The following FARP2 variants were observed in gnomAD, a reference collection of about 807,000 sequenced individuals.
FARP2 encodes the protein FERM, ARHGEF and pleckstrin domain-containing protein 2.
A neutral mutation model predicts 130.5 loss-of-function variants in FARP2; 111 were observed. The ratio of observed to expected loss-of-function variants is 0.85; its 90% CI spans 0.73 to 1.00. The LOEUF (loss-of-function observed/expected upper bound fraction) is 1.00. Ranked by LOEUF, FARP2 falls within the 50% of genes least tolerant of loss-of-function variation. The pLI, the probability that FARP2 is intolerant of heterozygous loss-of-function variation, is 0.00. For synonymous variants in FARP2, 504 were observed against 516.9 expected (o/e 0.98, Z 0.34); for missense variants, 1,385 against 1,346.3 (o/e 1.03, Z -0.45).
chr2:241,385,790 C>T (rs1042603290), intron 2 of FARP2, among the ~76,000 whole-genome samples: 21 of 152,162 alleles, frequency 1.4e-4, no homozygotes, highest in African/African-American at 4.8e-4. Context: ...TCAACATTTA[C>T]GTCATATCAT....
intron 19 of FARP2, among the ~76,000 whole-genome samples, chr2:241,477,267 C>T (rs1358346416): frequency 6.6e-6 from 1 of 151,892 alleles, no homozygotes; most frequent in Non-Finnish European, 1.5e-5. Flanking sequence ...GTAGCTGGGA[C>T]TACAGGCACA....
chr2:241,448,332 T>C (rs1343401159), intron 13 of FARP2, among the ~76,000 whole-genome samples: 1 of 152,236 alleles, frequency 6.6e-6, no homozygotes, highest in African/African-American at 2.4e-5. Flanking sequence ...TCAAAAGCAT[T>C]TCTGTATGAG....
chr2:241,408,400 A>G (rs1405979918), intron 5 of FARP2, among the ~76,000 whole-genome samples: 1 of 151,642 alleles, frequency 6.6e-6, no homozygotes, highest in Non-Finnish European at 1.5e-5. Context: ...AAAATTATCC[A>G]GGCGTGGTGG....
intron 2 of FARP2, among the ~76,000 whole-genome samples, chr2:241,375,578 G>A (rs919379614): frequency 2.6e-5 from 4 of 152,054 alleles, no homozygotes; most frequent in Non-Finnish European, 5.9e-5. Flanking sequence ...ATGCCATTTT[G>A]TGAAGGTTTT....
chr2:241,422,288 C>T (rs914223790), intron 8 of FARP2, among the ~76,000 whole-genome samples: 8 of 148,704 alleles, frequency 5.4e-5, no homozygotes, highest in Admixed American at 1.3e-4. Flanking sequence ...AAATTAACCA[C>T]GCACAGCGGT....
chr2:241,409,037 A>ATGAT (rs1163595250), intron 5 of FARP2, among the ~76,000 whole-genome samples: 4 of 108,934 alleles, frequency 3.7e-5, no homozygotes, highest in Admixed American at 9.7e-5. Flanking sequence ...AGATAGATAG[A>ATGAT]TGATAGATAG....
chr2:241,395,061 CCCATT>C (rs1417029007), intron 2 of FARP2, among the ~76,000 whole-genome samples: 7 of 152,330 alleles, frequency 4.6e-5, no homozygotes, highest in African/African-American at 1.7e-4. Context: ...TCCCATAAAA[CCCATT>C]CAGGGTAAGA....
At position 241,437,871 on chromosome 2, in the gene FARP2, C is replaced by T. The variant is rs1341013762; in HGVS notation, c.1158+1333C>T. On this transcript the variant is annotated intron_variant, in intron 12 of 26. Transcript: ENST00000264042. ...TAGTAGAGACGGGGTTTCACTGTGTCAGCCAGGATGGTCTTGATCTCCTGA... is the reference window on the plus strand; with the variant it reads ...TAGTAGAGACGGGGTTTCACTGTGTTAGCCAGGATGGTCTTGATCTCCTGA... 3.9e-5 allele frequency among the ~76,000 whole-genome samples: 6 copies of T among 151,936 alleles called. No homozygotes were observed. In the East Asian group the frequency reaches 1.2e-3, roughly 29 times the overall value.
chr2:241,453,428 C>G (rs541475843), intron 13 of FARP2, among the ~76,000 whole-genome samples: 1 of 151,928 alleles, frequency 6.6e-6, no homozygotes, highest in Admixed American at 6.6e-5. Flanking sequence ...CGAGACCATC[C>G]TGGCTAACAT....
At chr2:241,476,725 A>G (rs531983131) in intron 19 of FARP2, among the ~76,000 whole-genome samples, 27 of 152,294 alleles carry the variant, frequency 1.8e-4, no homozygotes, top group Middle Eastern at 6.8e-3. Flanking sequence ...AAATAGGTAC[A>G]TATATACATA....
chr2:241,435,200 C>T (rs1212316758), intron 11 of FARP2, among the ~76,000 whole-genome samples, 170 bp downstream of exon 11: 1 of 151,960 alleles, frequency 6.6e-6, no homozygotes, highest in Non-Finnish European at 1.5e-5. Context: ...CTCAAGCAAT[C>T]CTCCCACCTC....
chr2:241,466,089 C>T, intron 17 of FARP2: 2 of 1,103,916 alleles, frequency 1.8e-6, no homozygotes, highest in Non-Finnish European at 2.2e-6. Context: ...ATATTAAAAC[C>T]CTTTAGCTCT....
intron 2 of FARP2, among the ~76,000 whole-genome samples, chr2:241,373,956 A>AC (rs1324385359): frequency 6.6e-6 from 1 of 152,016 alleles, no homozygotes; most frequent in Non-Finnish European, 1.5e-5. Context: ...GTATTAGAAA[A>AC]CATTTTTTTG....
chr2:241,456,964 G>A, intron 14 of FARP2, 42 bp downstream of exon 14: 2 of 1,516,026 alleles, frequency 1.3e-6, no homozygotes, highest in Non-Finnish European at 1.8e-6. Flanking sequence ...GGGTTGCAGG[G>A]TGGGCCTGTT....
chr2:241,418,949 C>T (rs889760533), intron 8 of FARP2, among the ~76,000 whole-genome samples: 11 of 152,128 alleles, frequency 7.2e-5, no homozygotes, highest in South Asian at 2.1e-4. Flanking sequence ...TGATAGACTA[C>T]GGTAATCCTG....
intron 2 of FARP2, among the ~76,000 whole-genome samples, chr2:241,400,478 A>G (rs988278156): frequency 3.3e-5 from 5 of 152,238 alleles, no homozygotes; most frequent in Admixed American, 6.5e-5. Context: ...CAGCAATGCC[A>G]AAGGGCAGTT....
At chr2:241,445,462 G>A (rs1021161505) in intron 13 of FARP2, 1 of 152,186 alleles carries the variant, frequency 6.6e-6, no homozygotes, top group African/African-American at 2.4e-5. Context: ...ATGAGGCACT[G>A]ACGTTGCTCT....
intron 11 of FARP2, among the ~76,000 whole-genome samples, chr2:241,436,244 T>C (rs1156954437): frequency 1.3e-5 from 2 of 152,156 alleles, no homozygotes; most frequent in Non-Finnish European, 2.9e-5. Context: ...TCTTGTTGTT[T>C]CTCCGCACGT....
Position 241,373,689 on chromosome 2 carries a change from A to G in FARP2, c.183+399A>G, listed in dbSNP as rs183883711. ...GTGTGTCAGCTTCCTTTTCTGAAAC[A>G]GAGGGACAATTATAATCCCTCTTTC... On this transcript the variant is annotated intron_variant, in intron 2 of 26. Coordinates refer to ENST00000264042, the MANE Select transcript of FARP2 (RefSeq NM_014808.4). Among the ~76,000 whole-genome samples the G allele has an allele frequency of 6.6e-5, 10 of 152,334 alleles. No homozygotes were observed. The East Asian group carries it at 1.7e-3, about 26-fold the overall frequency.
Sources: allele counts gnomAD v4.1 joint callset (sites outside exome capture counted in the v4.1 genomes callset), GRCh38; gene constraint gnomAD v4.1.1; transcripts MANE v1.5; gene names NCBI Gene and HGNC (gene_info 2026-07-23, HGNC 2026-07-21).